The following ESRRB variants were observed in gnomAD, a reference collection of about 807,000 sequenced individuals.
ESRRB encodes estrogen related receptor beta, also known as steroid hormone receptor ERR2.
ESRRB carries 16 observed loss-of-function variants against 46.0 expected under a neutral mutation model. The observed-to-expected ratio is 0.35, with a 90% CI of 0.24 to 0.53. The LOEUF (loss-of-function observed/expected upper bound fraction) is 0.53. ESRRB is among the 20% of genes least tolerant of loss of function. The pLI, the probability that ESRRB is intolerant of heterozygous loss-of-function variation, is 0.93. For missense variants in ESRRB, 488 were observed against 607.4 expected, an observed-to-expected ratio of 0.80 and a Z score of 2.07; for synonymous variants, 246 against 259.6, an observed-to-expected ratio of 0.95 and a Z score of 0.50.
At chr14:76,406,291 T>TGG (rs1886181485) in intron 1 of ESRRB, among the ~76,000 whole-genome samples, 1 of 151,706 alleles carries the variant, frequency 6.6e-6, no homozygotes, top group African/African-American at 2.4e-5. Flanking sequence ...GGGTGGGAGG[T>TGG]GGGGTTGGGG....
chr14:76,353,184 GGGGAGA>G (rs1197322636), intron 1 of ESRRB, among the ~76,000 whole-genome samples: 2 of 152,240 alleles, frequency 1.3e-5, no homozygotes, highest in Non-Finnish European at 2.9e-5. Flanking sequence ...GGATAGAGCT[GGGGAGA>G]GGGCAGCACC....
At chr14:76,486,731 G>A (rs1387032857) in intron 5 of ESRRB, among the ~76,000 whole-genome samples, 1 of 152,172 alleles carries the variant, frequency 6.6e-6, no homozygotes, top group Non-Finnish European at 1.5e-5. Flanking sequence ...GCTCTGGGCA[G>A]GCCCGAGAGC....
intron 6 of ESRRB, among the ~76,000 whole-genome samples, chr14:76,497,602 T>C (rs12436516): frequency 0.073 from 11,067 of 152,248 alleles, 458 homozygotes; most frequent in African/African-American, 0.11. Context: ...CTTGACACAG[T>C]GCTCAGCCCC....
chr14:76,365,716 A>G (rs1277429896), intron 1 of ESRRB, among the ~76,000 whole-genome samples: 1 of 152,210 alleles, frequency 6.6e-6, no homozygotes, highest in Non-Finnish European at 1.5e-5. Context: ...TGCTAATTTG[A>G]AGCTTACATA....
intron 3 of ESRRB, among the ~76,000 whole-genome samples, chr14:76,476,730 C>G (rs137924583): frequency 6.6e-6 from 1 of 151,200 alleles, no homozygotes; most frequent in Non-Finnish European, 1.5e-5. Flanking sequence ...TCAGCCATGG[C>G]GGCAGGGGCG....
At position 76,498,466 on chromosome 14, in the gene ESRRB, G is replaced by A. The variant is rs368188710; in HGVS notation, c.*8G>A. On this transcript the variant is annotated 3_prime_UTR_variant, in exon 7 of 7. Transcript: ENST00000644823. The stretch of plus-strand genomic sequence containing the variant: ...CTGGAGGCCAAGGTGTGATGGCCCC[G>A]CACACGGACCAATGCCCACCTACAG... 2.2e-5 allele frequency: 35 copies of A among 1,612,976 alleles called. No homozygotes were observed. The highest frequency in any genetic ancestry group is 1.6e-4 in the Middle Eastern group (1 of 6,084).
At chr14:76,344,300 G>T (rs760706793) in intron 1 of ESRRB, among the ~76,000 whole-genome samples, 1 of 152,028 alleles carries the variant, frequency 6.6e-6, no homozygotes, top group African/African-American at 2.4e-5. Context: ...AAGTTACGGG[G>T]GTACAGGTGG....
At chr14:76,311,613 A>G (rs569074517) in intron 1 of ESRRB, among the ~76,000 whole-genome samples, 4 of 152,346 alleles carry the variant, frequency 2.6e-5, no homozygotes, top group Admixed American at 1.3e-4. Flanking sequence ...TAATCCTGAA[A>G]GGGAACTTGG....
intron 1 of ESRRB, among the ~76,000 whole-genome samples, chr14:76,426,896 T>C (rs919580183): frequency 2.0e-5 from 3 of 152,136 alleles, no homozygotes; most frequent in African/African-American, 7.2e-5. Context: ...AAAAATTGTT[T>C]AAAGACAATG....
chr14:76,384,176 C>T (rs1391947194), intron 1 of ESRRB, among the ~76,000 whole-genome samples: 1 of 152,136 alleles, frequency 6.6e-6, no homozygotes, highest in Non-Finnish European at 1.5e-5. Flanking sequence ...TAGCTTCACT[C>T]TTTGTCATTT....
At chr14:76,373,507 T>A (rs1017901317), upstream of ESRRB, among the ~76,000 whole-genome samples, 1 of 152,018 alleles carries the variant, frequency 6.6e-6, no homozygotes, top group African/African-American at 2.4e-5. Flanking sequence ...CCTCCGTGAG[T>A]TGGCTGAGGG....
intron 1 of ESRRB, among the ~76,000 whole-genome samples, chr14:76,408,471 C>A (rs1886288997): frequency 6.6e-6 from 1 of 151,608 alleles, no homozygotes; most frequent in Non-Finnish European, 1.5e-5. Context: ...TGCCTGTGGT[C>A]CCAGCTCCTC....
chr14:76,361,843 C>T (rs565380580), intron 1 of ESRRB, among the ~76,000 whole-genome samples: 127 of 152,340 alleles, frequency 8.3e-4, no homozygotes, highest in Non-Finnish European at 1.6e-3. Context: ...GTGGGCACAG[C>T]ATGACTGGGC....
intron 1 of ESRRB, among the ~76,000 whole-genome samples, chr14:76,358,402 A>G (rs971026817): frequency 6.9e-6 from 1 of 144,446 alleles, no homozygotes; most frequent in Non-Finnish European, 1.5e-5. Context: ...AAAGAAAGAA[A>G]GAAAGAAAGA....
At chr14:76,435,001 G>A (rs1320584080) in intron 1 of ESRRB, among the ~76,000 whole-genome samples, 1 of 152,152 alleles carries the variant, frequency 6.6e-6, no homozygotes, top group Non-Finnish European at 1.5e-5. Flanking sequence ...AAGTGAATGG[G>A]ACAGGCTCTG....
intron 1 of ESRRB, among the ~76,000 whole-genome samples, chr14:76,314,256 T>A (rs950955358): frequency 1.3e-5 from 2 of 152,156 alleles, no homozygotes; most frequent in Non-Finnish European, 2.9e-5. Flanking sequence ...AAATGGCAAC[T>A]GTGGTGCAAG....
chr14:76,368,495 C>T (rs1014181664), upstream of ESRRB, among the ~76,000 whole-genome samples: 2 of 152,164 alleles, frequency 1.3e-5, no homozygotes, highest in African/African-American at 2.4e-5. Flanking sequence ...CTCCAACCAG[C>T]GATCCTACAG....
chr14:76,478,101 G>A (rs144310636), intron 3 of ESRRB, among the ~76,000 whole-genome samples: 90 of 152,266 alleles, frequency 5.9e-4, no homozygotes, highest in African/African-American at 2.1e-3. Context: ...GTAATAATAA[G>A]GATGATGATA....
upstream of ESRRB, chr14:76,371,694 A>T (rs1423795735): frequency 2.0e-5 from 3 of 152,148 alleles, no homozygotes; most frequent in Non-Finnish European, 4.4e-5. Flanking sequence ...GCATAAACAA[A>T]CAGTTAGCAT....
Sources: gnomAD v4.1 joint callset for allele counts (sites outside exome capture counted in the v4.1 genomes callset) on GRCh38, gnomAD v4.1.1 for gene constraint, MANE v1.5 for transcripts, NCBI Gene and HGNC (gene_info 2026-07-23, HGNC 2026-07-21) for gene names.